VRTN: variants seen among roughly 807,000 people sequenced by gnomAD.
VRTN encodes the protein vertebrae development associated.
Under a neutral mutation model 18.2 loss-of-function variants are expected in VRTN, and 5 were observed. The ratio of observed to expected loss-of-function variants is 0.27; its 90% CI spans 0.14 to 0.58. The LOEUF (loss-of-function observed/expected upper bound fraction) is 0.58, where lower values mean the gene tolerates loss of function less well. Ranked by LOEUF, VRTN falls within the 20% of genes least tolerant of loss-of-function variation. The pLI is 0.91. For synonymous variants in VRTN, 381 were observed against 393.7 expected (o/e 0.97, Z 0.38); for missense variants, 741 against 939.4 (o/e 0.79, Z 2.76).
In VRTN at chr14:74,357,384, T is replaced by A. The variant is rs1386745448; in HGVS notation, c.601T>A (p.Tyr201Asn). The change falls in exon 2 of 2, where the codon TAC becomes AAC. Residue 201 changes from tyrosine to asparagine, a missense_variant. This residue lies in a region of VRTN where 186 missense variants were observed against 288.3 expected (regional missense o/e 0.65). Transcript: ENST00000256362. The surrounding 1 kb of genome is among the most constrained non-coding windows in gnomAD (Gnocchi z 7.8). Reference sequence around the variant, plus strand: ...CATGCGCAACCTCAAGATCCGGCCCTACTTCAACCGTGTCATCCGGCCCCG... The same window carrying A: ...CATGCGCAACCTCAAGATCCGGCCCAACTTCAACCGTGTCATCCGGCCCCG... ...YPMRNLKIRP[Y>N]FNRVIRPRRC... 1 of 1,613,732 alleles carries A rather than the reference T, an allele frequency of 6.2e-7. No homozygotes were observed. The highest frequency in any genetic ancestry group is 1.7e-5 in the Admixed American group (1 of 60,026).
chr14:74,350,402 T>G, intron 1 of VRTN, among the ~76,000 whole-genome samples: 1 of 150,162 alleles, frequency 6.7e-6, no homozygotes, highest in East Asian at 2.0e-4. Context: ...ACGAGGAGGG[T>G]GGGGACAGGT....
intron 1 of VRTN, among the ~76,000 whole-genome samples, chr14:74,351,262 C>G (rs1362441057): frequency 6.6e-6 from 1 of 152,090 alleles, no homozygotes; most frequent in Non-Finnish European, 1.5e-5. Flanking sequence ...GCTGTCTTTA[C>G]TAAGGACTGA....
chr14:74,318,323 C>T (rs1298342631), intron 1 of VRTN, among the ~76,000 whole-genome samples: 4 of 148,812 alleles, frequency 2.7e-5, no homozygotes, highest in Non-Finnish European at 4.4e-5. Flanking sequence ...CAGGCTGGAG[C>T]GCAATGGCGT....
chr14:74,334,612 T>C (rs1327036671), intron 1 of VRTN, among the ~76,000 whole-genome samples: 4 of 152,182 alleles, frequency 2.6e-5, no homozygotes, highest in Non-Finnish European at 5.9e-5. Context: ...GAAGATACTG[T>C]TTTCCAAATT....
rs1269831483 is a variant in VRTN, at chr14:74,357,611, T to G, written c.828T>G (p.Arg276=). 2 of 1,613,886 alleles carry G rather than the reference T, an allele frequency of 1.2e-6. 1 individual carries two copies. The highest frequency in any genetic ancestry group is 1.7e-6 in the Non-Finnish European group (2 of 1,180,032). Residue 276 remains arginine, a synonymous_variant, in exon 2 of 2, where the codon CGT becomes CGG. Transcript: ENST00000256362. This position sits in a 1 kb window ranked among gnomAD's most constrained non-coding sequence, Gnocchi z 7.8. ...SPAKTLELLN[R]EPGLSYSHLC... is the part of the protein sequence containing the mutation. ...CCAAGACCCTGGAGCTGCTCAACCG[T>G]GAACCTGGCCTCAGCTACTCTCACC...
intron 1 of VRTN, among the ~76,000 whole-genome samples, chr14:74,311,435 CTT>C (rs1394683629): frequency 7.9e-6 from 1 of 125,894 alleles, no homozygotes; most frequent in Non-Finnish European, 1.7e-5. Context: ...TTTTTTTTCT[CTT>C]TGAGACAGAC....
At position 74,340,152 on chromosome 14, in the gene VRTN, G is replaced by T. The variant is rs547257781; in HGVS notation, c.-2+2268G>T. 2.6e-5 allele frequency among the ~76,000 whole-genome samples: 3 copies of T among 117,410 alleles called. No individual in the cohort carries two copies. The East Asian group carries it at 7.0e-4, about 27-fold the overall frequency. 77.0% of individuals were successfully genotyped at this position (117,410 alleles called of 152,430 possible). ...TTTGAGACGGAGTTTTGCTCTTGTTGCCCAGGCTGGAGTGCAAGGGCACGA... is the reference window on the plus strand; with the variant it reads ...TTTGAGACGGAGTTTTGCTCTTGTTTCCCAGGCTGGAGTGCAAGGGCACGA... On this transcript the variant is annotated intron_variant, in intron 2 of 2. Coordinates refer to the VRTN transcript ENST00000557177.
At chr14:74,329,535 A>G (rs2085508662) in intron 1 of VRTN, among the ~76,000 whole-genome samples, 1 of 151,692 alleles carries the variant, frequency 6.6e-6, no homozygotes, top group South Asian at 2.1e-4. Context: ...GGGTCTACCA[A>G]GTGCTGGGAT....
rs1312937307 is a variant in VRTN at position 74,357,461 on chromosome 14, C to G, written c.678C>G (p.Pro226=). The G allele has an allele frequency of 6.2e-7, 1 of 1,611,852 alleles. No homozygotes were observed. Residue 226 remains proline, a synonymous_variant, in exon 2 of 2, where the codon CCC becomes CCG. Coordinates refer to ENST00000256362, the MANE Select transcript of VRTN (RefSeq NM_018228.3). The surrounding 1 kb of genome is among the most constrained non-coding windows in gnomAD (Gnocchi z 7.8). ...STLHIMWAGQ[P]LTSHFFRHQY... is the part of the protein sequence containing the mutation. The stretch of plus-strand genomic sequence containing the variant: ...TGCACATCATGTGGGCTGGCCAGCC[C>G]CTCACCAGCCACTTCTTCCGCCACC...
intron 2 of VRTN, among the ~76,000 whole-genome samples, chr14:74,340,522 C>T (rs925973378): frequency 1.3e-5 from 2 of 151,908 alleles, no homozygotes; most frequent in South Asian, 2.1e-4. Flanking sequence ...GGATTACAGG[C>T]GTGAGCCACC....
intron 1 of VRTN, among the ~76,000 whole-genome samples, chr14:74,356,130 C>G (rs1265675122): frequency 6.6e-6 from 1 of 152,074 alleles, no homozygotes; most frequent in African/African-American, 2.4e-5. Context: ...CCACGCCCAG[C>G]CAACATCTCT....
At position 74,355,015 on chromosome 14, in the gene VRTN, G is replaced by C. The variant is rs568290610; in HGVS notation, c.-1-1768G>C. 2.0e-5 allele frequency among the ~76,000 whole-genome samples: 3 copies of C among 151,694 alleles called. No individual in the cohort carries two copies. The East Asian group carries it at 5.9e-4, about 30-fold the overall frequency. ...AAATTAGCTGGGCATGGTGGCATGCGCCTGTAATCCCAGCTACTCGGGTGG... is the reference window on the plus strand; with the variant it reads ...AAATTAGCTGGGCATGGTGGCATGCCCCTGTAATCCCAGCTACTCGGGTGG... On this transcript the variant is annotated intron_variant, in intron 1 of 1. Transcript: ENST00000256362.
chr14:74,315,411 T>TTGACCAGGCCGGGTGTGG (rs1411440461), intron 1 of VRTN, among the ~76,000 whole-genome samples: 2 of 152,140 alleles, frequency 1.3e-5, no homozygotes, highest in Non-Finnish European at 2.9e-5. Flanking sequence ...TCAGTAATTA[T>TTGACCAGGCCGGGTGTGG]TGACCAGGCC....
chr14:74,311,431 T>C (rs1034697896), intron 1 of VRTN, among the ~76,000 whole-genome samples: 3 of 152,046 alleles, frequency 2.0e-5, no homozygotes, highest in Non-Finnish European at 2.9e-5. Flanking sequence ...TTTTTTTTTT[T>C]TCTCTTTGAG....
upstream of VRTN, among the ~76,000 whole-genome samples, chr14:74,348,114 A>G (rs2085655744): frequency 6.6e-6 from 1 of 152,126 alleles, no homozygotes; most frequent in Admixed American, 6.5e-5. Flanking sequence ...AATTATCCAT[A>G]GCTAGTTTCT....
intron 1 of VRTN, among the ~76,000 whole-genome samples, chr14:74,322,034 G>T (rs1223013936): frequency 6.6e-6 from 1 of 151,456 alleles, no homozygotes; most frequent in African/African-American, 2.4e-5. Flanking sequence ...TTTTAGTAGA[G>T]ACGGGGTTTC....
chr14:74,311,336 A>G (rs1162229036), intron 1 of VRTN, among the ~76,000 whole-genome samples: 2 of 152,136 alleles, frequency 1.3e-5, no homozygotes, highest in Admixed American at 1.3e-4. Flanking sequence ...GCAAACTTAT[A>G]TGTATTAATA....
chr14:74,303,798 A>C (rs1242293107), intron 1 of VRTN, among the ~76,000 whole-genome samples: 1 of 151,372 alleles, frequency 6.6e-6, no homozygotes, highest in East Asian at 1.9e-4. Flanking sequence ...TGTCTTTATG[A>C]AAGTTGCAGT....
At chr14:74,354,138 T>A (rs560694891) in intron 1 of VRTN, among the ~76,000 whole-genome samples, 11 of 152,228 alleles carry the variant, frequency 7.2e-5, no homozygotes, top group Non-Finnish European at 1.3e-4. Flanking sequence ...ATCTCCATAG[T>A]ATTTGGTTTA....
Sources: allele counts gnomAD v4.1 joint callset (sites outside exome capture counted in the v4.1 genomes callset), GRCh38; gene constraint gnomAD v4.1.1; regional missense constraint gnomAD v4.1.1; non-coding constraint Gnocchi (gnomAD v3.1); transcripts MANE v1.5; gene names NCBI Gene and HGNC (gene_info 2026-07-23, HGNC 2026-07-21).